Variants in ELP4 observed in about 807,000 individuals in gnomAD.
The protein encoded by ELP4 is elongator complex protein 4.
In ELP4, 51 loss-of-function variants were observed where a neutral mutation model predicts 48.9. The ratio of observed to expected loss-of-function variants is 1.04; its 90% confidence interval spans 0.83 to 1.32. The LOEUF (loss-of-function observed/expected upper bound fraction) is 1.32, where lower values mean the gene tolerates loss of function less well. ELP4 is among the 40% of genes most tolerant of loss of function. The pLI is 0.00. For synonymous variants in ELP4, 210 were observed against 189.2 expected (o/e 1.11, Z -0.90); for missense variants, 519 against 514.6 (o/e 1.01, Z -0.08).
At chr11:31,543,791 A>T (rs1956637218) in intron 3 of ELP4, among the ~76,000 whole-genome samples, 1 of 152,224 alleles carries the variant, frequency 6.6e-6, no homozygotes, top group Non-Finnish European at 1.5e-5. Flanking sequence ...TTAAAATGCT[A>T]AAAGAAAAAC....
At chr11:31,750,911 T>A (rs1947705373) in intron 9 of ELP4, among the ~76,000 whole-genome samples, 1 of 152,204 alleles carries the variant, frequency 6.6e-6, no homozygotes, top group Admixed American at 6.5e-5. Context: ...CAGACATGCA[T>A]TTAACTGAAA....
At chr11:31,525,347 A>C (rs890944665) in intron 2 of ELP4, among the ~76,000 whole-genome samples, 1 of 152,232 alleles carries the variant, frequency 6.6e-6, no homozygotes, top group African/African-American at 2.4e-5. Context: ...GTCCTGAAGC[A>C]TTTAAGCTCT....
intron 3 of ELP4, among the ~76,000 whole-genome samples, chr11:31,560,871 A>G (rs1198523693): frequency 6.6e-6 from 1 of 151,920 alleles, no homozygotes; most frequent in African/African-American, 2.4e-5. Flanking sequence ...TAGATACCCA[A>G]ATATTCCCCA....
chr11:31,558,171 G>A (rs1956959185), intron 3 of ELP4, among the ~76,000 whole-genome samples: 1 of 151,050 alleles, frequency 6.6e-6, no homozygotes, highest in Non-Finnish European at 1.5e-5. Context: ...GCTACTGTGA[G>A]AGCTTATTTA....
intron 9 of ELP4, among the ~76,000 whole-genome samples, chr11:31,686,707 A>G (rs1946169255): frequency 6.6e-6 from 1 of 152,060 alleles, no homozygotes; most frequent in Non-Finnish European, 1.5e-5. Context: ...GTGAAGCCCC[A>G]TCTCTACACA....
chr11:31,759,595 C>CA lies in ELP4; in HGVS notation c.1144-23797dup, dbSNP rs1341630687. ...TCATAAACCTCCACAAAGTACAAAACAGCCTGTTGCTTACTTTTTATTAAG... is the reference window on the plus strand; with the variant it reads ...TCATAAACCTCCACAAAGTACAAAACAAGCCTGTTGCTTACTTTTTATTAAG... On this transcript the variant is annotated intron_variant, in intron 9 of 9. Coordinates refer to ENST00000640961, the MANE Select transcript of ELP4 (RefSeq NM_019040.5). Among the ~76,000 whole-genome samples the CA allele has an allele frequency of 1.9e-3, 293 of 152,342 alleles. 4 individuals carry two copies. Among genetic ancestry groups the CA allele is most frequent in the East Asian group, 9.6e-4 (5 of 5,190 alleles).
intron 9 of ELP4, among the ~76,000 whole-genome samples, chr11:31,717,652 G>A (rs910581565): frequency 6.6e-6 from 1 of 151,854 alleles, no homozygotes; most frequent in Non-Finnish European, 1.5e-5. Context: ...TACTCGGGAG[G>A]CTGAGGCAAA....
At chr11:31,768,444 C>G (rs1480922571) in intron 9 of ELP4, among the ~76,000 whole-genome samples, 1 of 152,068 alleles carries the variant, frequency 6.6e-6, no homozygotes, top group African/African-American at 2.4e-5. Flanking sequence ...GAGAGAAAGC[C>G]TCATTTCATT....
At chr11:31,511,601 A>G (rs1012570884) in intron 1 of ELP4, 2 of 152,224 alleles carry the variant, frequency 1.3e-5, no homozygotes, top group African/African-American at 4.8e-5. Context: ...ACAGTCTCAC[A>G]AAACCAGTGA....
intron 9 of ELP4, among the ~76,000 whole-genome samples, chr11:31,708,483 C>T (rs945196998): frequency 3.9e-5 from 6 of 152,114 alleles, no homozygotes; most frequent in African/African-American, 1.4e-4. Context: ...ACACCTCATT[C>T]CCTGGCCTAA....
chr11:31,740,217 G>A (rs1485891258), intron 9 of ELP4, among the ~76,000 whole-genome samples: 3 of 152,108 alleles, frequency 2.0e-5, no homozygotes, highest in African/African-American at 4.8e-5. Flanking sequence ...AGGGAAAAGG[G>A]TTTTTTTCTC....
chr11:31,745,667 C>T (rs1163392659), intron 9 of ELP4, among the ~76,000 whole-genome samples: 1 of 152,078 alleles, frequency 6.6e-6, no homozygotes, highest in Non-Finnish European at 1.5e-5. Context: ...ATAAATGGTG[C>T]TGGGAAAACT....
chr11:31,569,553 C>T (rs1957162950), intron 3 of ELP4, among the ~76,000 whole-genome samples: 2 of 152,114 alleles, frequency 1.3e-5, no homozygotes, highest in South Asian at 4.1e-4. Flanking sequence ...GAGTTCCAGA[C>T]CAGCCTGGCC....
chr11:31,609,111 T>C (rs1957928816), intron 5 of ELP4, among the ~76,000 whole-genome samples: 1 of 152,130 alleles, frequency 6.6e-6, no homozygotes, highest in Admixed American at 6.5e-5. Context: ...CAAGGAGTTT[T>C]TGGTGTCCTT....
intron 9 of ELP4, among the ~76,000 whole-genome samples, chr11:31,713,032 C>A (rs1396967194): frequency 6.6e-6 from 1 of 152,142 alleles, no homozygotes; most frequent in Non-Finnish European, 1.5e-5. Flanking sequence ...CCCCTTGCAT[C>A]TGATATTGTT....
At chr11:31,555,810 G>C (rs1023557520) in intron 3 of ELP4, among the ~76,000 whole-genome samples, 1 of 151,912 alleles carries the variant, frequency 6.6e-6, no homozygotes. Context: ...TAGGATTTCA[G>C]TATGCAGACC....
intron 5 of ELP4, among the ~76,000 whole-genome samples, chr11:31,621,845 G>C (rs1425573999): frequency 6.6e-6 from 1 of 151,826 alleles, no homozygotes; most frequent in African/African-American, 2.4e-5. Flanking sequence ...ATTGAATCTA[G>C]ATCTCACTGT....
At chr11:31,712,610 G>C (rs1031023170) in intron 9 of ELP4, among the ~76,000 whole-genome samples, 1 of 152,068 alleles carries the variant, frequency 6.6e-6, no homozygotes, top group Non-Finnish European at 1.5e-5. Flanking sequence ...TTCTAGTGAT[G>C]TCAAATACAA....
chr11:31,738,608 C>T (rs192260970), intron 9 of ELP4, among the ~76,000 whole-genome samples: 8 of 151,838 alleles, frequency 5.3e-5, no homozygotes, highest in East Asian at 3.9e-4. Context: ...TGGTGGAATG[C>T]GCCTATAGTC....
Sources: gnomAD v4.1 joint callset for allele counts (sites outside exome capture counted in the v4.1 genomes callset) on GRCh38, gnomAD v4.1.1 for gene constraint, MANE v1.5 for transcripts, NCBI Gene and HGNC (gene_info 2026-07-23, HGNC 2026-07-21) for gene names.